Variants in IMPG2 observed in about 807,000 individuals in gnomAD.
IMPG2 encodes the protein interphotoreceptor matrix proteoglycan 2.
A neutral mutation model predicts 129.2 loss-of-function variants in IMPG2; 91 were observed. That is an observed-to-expected ratio of 0.70 (90% CI 0.59 to 0.84). The LOEUF is 0.84. Ranked by LOEUF, IMPG2 falls within the 40% of genes least tolerant of loss-of-function variation. IMPG2 has a pLI of 0.00. For missense variants in IMPG2, 1,430 were observed against 1,461.7 expected (o/e 0.98, Z 0.35); for synonymous variants, 510 against 517.7 (o/e 0.99, Z 0.20).
chr3:101,316,543 C>T (rs1333292314), intron 2 of IMPG2, among the ~76,000 whole-genome samples: 1 of 151,722 alleles, frequency 6.6e-6, no homozygotes, highest in African/African-American at 2.4e-5. Context: ...TAGGAAAATG[C>T]AAATTAATAC....
chr3:101,243,477 T>A, intron 13 of IMPG2, 52 bp downstream of exon 13: 1 of 1,506,488 alleles, frequency 6.6e-7, no homozygotes, highest in Non-Finnish European at 9.2e-7. Flanking sequence ...GGAGGAGGAG[T>A]CGGTCATACA....
At chr3:101,251,726 A>T (rs182604764) in intron 11 of IMPG2, among the ~76,000 whole-genome samples, 5 of 152,230 alleles carry the variant, frequency 3.3e-5, no homozygotes, top group Admixed American at 3.3e-4. Flanking sequence ...TAACTCTTTG[A>T]ATAAAGCCTT....
chr3:101,255,988 TA>T (rs368338429), intron 10 of IMPG2, among the ~76,000 whole-genome samples: 3,190 of 149,566 alleles, frequency 0.021, 111 homozygotes, highest in African/African-American at 0.075. Flanking sequence ...AGTGTCACAT[TA>T]AAAAAAACGT....
intron 3 of IMPG2, among the ~76,000 whole-genome samples, chr3:101,295,692 G>A (rs527436900): frequency 3.2e-4 from 49 of 152,282 alleles, no homozygotes; most frequent in Admixed American, 1.3e-3. Context: ...TATTCATGAG[G>A]ATGGAATGTT....
At chr3:101,250,223 C>T (rs1245096119) in intron 11 of IMPG2, among the ~76,000 whole-genome samples, 1 of 152,148 alleles carries the variant, frequency 6.6e-6, no homozygotes, top group East Asian at 1.9e-4. Flanking sequence ...ATATTTCTGC[C>T]TAGAGGGTCT....
chr3:101,231,093 C>G lies in IMPG2; in HGVS notation c.3286G>C (p.Val1096Leu). 1 of 1,614,166 alleles carries G rather than the reference C, an allele frequency of 6.2e-7. No homozygotes were observed. The highest frequency in any genetic ancestry group is 8.5e-7 in the Non-Finnish European group (1 of 1,180,016). The change falls in exon 16 of 19, where the codon GTG becomes CTG. Residue 1096 changes from valine to leucine, a missense_variant. Val to Leu is a conservative substitution (Grantham distance 32). Coordinates refer to ENST00000193391, the MANE Select transcript of IMPG2 (RefSeq NM_016247.4). ...ATGCCTATGATCACGGGCTCAGACA[C>G]AAATTCCTCACAGTGCTTGCCTCGG... ...WYRGKHCEEF[V>L]SEPVIIGITI...
chr3:101,320,351 CAA>C lies in IMPG2; in HGVS notation c.20_21del (p.Phe7TrpfsTer44). ...ATCAAAATACCCAGAGAAATCTTCC[CAA>C]AAAGAGGAAACATAATCATTTGGGC... MIMFPL[F>X]GKISLGILIF... is the part of the protein sequence containing the mutation. On this transcript the variant is annotated frameshift_variant, in exon 1 of 19. Transcript: ENST00000193391. LOFTEE classifies it high-confidence loss of function. The C allele has an allele frequency of 6.2e-7, 1 of 1,607,586 alleles. No homozygotes were observed. The highest frequency in any genetic ancestry group is 8.5e-7 in the Non-Finnish European group (1 of 1,175,000).
rs1470473292 is a variant in IMPG2 at position 101,244,658 on chromosome 3, G to A, written c.1673C>T (p.Ser558Leu). The change falls in exon 13 of 19, where the codon TCA becomes TTA. Residue 558 changes from serine to leucine, a missense_variant. Coordinates refer to ENST00000193391, the MANE Select transcript of IMPG2 (RefSeq NM_016247.4). ...MEDSDVSLTS[S>L]PYLTSSIPFG... Reference sequence around the variant, plus strand: ...AGGTATAGAAGAGGTCAGATATGGTGAAGATGTTAAGGACACATCAGAGTC... The same window carrying A: ...AGGTATAGAAGAGGTCAGATATGGTAAAGATGTTAAGGACACATCAGAGTC... The A allele has an allele frequency of 6.2e-7, 1 of 1,613,946 alleles. No individual in the cohort carries two copies. The highest frequency in any genetic ancestry group is 1.1e-5 in the South Asian group (1 of 91,014).
At chr3:101,310,263 A>T (rs1386508991) in intron 2 of IMPG2, among the ~76,000 whole-genome samples, 1 of 152,206 alleles carries the variant, frequency 6.6e-6, no homozygotes, top group Non-Finnish European at 1.5e-5. Flanking sequence ...AAATACATTT[A>T]AAGGATTAGA....
In IMPG2 at chr3:101,231,054, C is replaced by G. The variant is rs140621379; in HGVS notation, c.3325G>C (p.Val1109Leu). 1.2e-6 allele frequency: 2 copies of G among 1,613,984 alleles called. No individual in the cohort carries two copies. The highest frequency in any genetic ancestry group is 2.7e-5 in the African/African-American group (2 of 74,894). ...PVIIGITIAS[V>L]VGLLVIFSAI... ...GAAAAGATGACAAGAAGTCCAACCA[C>G]GGAGGCAATAGTGATGCCTATGATC... The change falls in exon 16 of 19, where the codon GTG (valine) becomes CTG (leucine). Residue 1109 changes from valine (V) to leucine (L), a missense_variant. Coordinates refer to ENST00000193391, the MANE Select transcript of IMPG2 (RefSeq NM_016247.4).
chr3:101,251,781 T>C (rs1706546127), intron 11 of IMPG2, among the ~76,000 whole-genome samples: 1 of 152,064 alleles, frequency 6.6e-6, no homozygotes, highest in South Asian at 2.1e-4. Flanking sequence ...AATACAATTA[T>C]GGCAGCTCTG....
At chr3:101,227,453 C>T (rs1183921968) in intron 18 of IMPG2, among the ~76,000 whole-genome samples, 3 of 152,170 alleles carry the variant, frequency 2.0e-5, no homozygotes, top group African/African-American at 7.2e-5. Context: ...AGTCAATCTG[C>T]CTATTCCTAT....
intron 11 of IMPG2, among the ~76,000 whole-genome samples, chr3:101,247,094 T>G (rs971302291): frequency 7.1e-6 from 1 of 140,442 alleles, no homozygotes; most frequent in Non-Finnish European, 1.5e-5. Context: ...AGACATTGTC[T>G]CTTAAAAAAA....
chr3:101,234,998 C>T (rs570114292), intron 14 of IMPG2, among the ~76,000 whole-genome samples: 1 of 152,204 alleles, frequency 6.6e-6, no homozygotes, highest in Non-Finnish European at 1.5e-5. Flanking sequence ...GGATGGAACA[C>T]ACGTCTACAC....
chr3:101,236,209 G>A (rs545450277), intron 14 of IMPG2, among the ~76,000 whole-genome samples: 1 of 152,332 alleles, frequency 6.6e-6, no homozygotes, highest in East Asian at 1.9e-4. Context: ...GGAGGATTAA[G>A]AGATATTTAA....
At chr3:101,235,016 T>C (rs1295210730) in intron 14 of IMPG2, among the ~76,000 whole-genome samples, 1 of 152,230 alleles carries the variant, frequency 6.6e-6, no homozygotes, top group Non-Finnish European at 1.5e-5. Context: ...CACAAAAAAC[T>C]CATTTATGTT....
At chr3:101,300,890 C>T (rs563150101) in intron 3 of IMPG2, among the ~76,000 whole-genome samples, 41 of 152,354 alleles carry the variant, frequency 2.7e-4, no homozygotes, top group African/African-American at 9.4e-4. Flanking sequence ...TAGCTTAAGG[C>T]CTATCTCAGT....
chr3:101,247,247 T>C (rs912133016), intron 11 of IMPG2, among the ~76,000 whole-genome samples: 1 of 152,180 alleles, frequency 6.6e-6, no homozygotes, highest in Non-Finnish European at 1.5e-5. Flanking sequence ...AAATATTTCC[T>C]GGGTGTATGA....
chr3:101,247,617 A>T (rs1706496886), intron 11 of IMPG2, among the ~76,000 whole-genome samples: 1 of 151,362 alleles, frequency 6.6e-6, no homozygotes, highest in Admixed American at 6.6e-5. Context: ...AAAAAAAAGT[A>T]GGTATTTGAA....
Sources: allele counts gnomAD v4.1 joint callset (sites outside exome capture counted in the v4.1 genomes callset), GRCh38; gene constraint gnomAD v4.1.1; transcripts MANE v1.5; gene names NCBI Gene and HGNC (gene_info 2026-07-23, HGNC 2026-07-21).